SEC61A1: variants seen among roughly 807,000 people sequenced by gnomAD.
The protein encoded by SEC61A1 is protein transport protein Sec61 subunit alpha isoform 1.
In SEC61A1, 15 loss-of-function variants were observed where a neutral mutation model predicts 55.2. The ratio of observed to expected loss-of-function variants is 0.27; its 90% CI spans 0.18 to 0.42. The LOEUF is 0.42. Among genes scored for constraint, SEC61A1 ranks in the 10% least tolerant of loss-of-function variants. The probability of loss-of-function intolerance (pLI) is 1.00; values close to 1 mark genes in which losing one functional copy is unlikely to be tolerated. For synonymous variants in SEC61A1, 247 were observed against 234.0 expected (o/e 1.06, Z -0.51); for missense variants, 284 against 602.6 (o/e 0.47, Z 5.53).
rs149719226 is a variant in SEC61A1 at position 128,069,663 on chromosome 3, G to A, written c.*1G>A. The A allele has an allele frequency of 2.0e-4, 317 of 1,613,920 alleles. 1 individual carries two copies. In the African/African-American group the frequency reaches 4.0e-3, roughly 20 times the overall value. Reference sequence around the variant, plus strand: ...CAGCATGGGGGCCCTGCTCTTCTGAGCCCGTCTCCCGGACAGGTTGAGGAA... The same window carrying A: ...CAGCATGGGGGCCCTGCTCTTCTGAACCCGTCTCCCGGACAGGTTGAGGAA... On this transcript the variant is annotated 3_prime_UTR_variant, in exon 12 of 12. Transcript: ENST00000243253.
chr3:128,062,570 C>T (rs1455602096), intron 7 of SEC61A1, among the ~76,000 whole-genome samples: 4 of 152,098 alleles, frequency 2.6e-5, no homozygotes, highest in Non-Finnish European at 4.4e-5. Flanking sequence ...ACATGATGGC[C>T]AGTTAGGATA....
intron 2 of SEC61A1, among the ~76,000 whole-genome samples, chr3:128,054,028 T>C (rs1941732152): frequency 6.6e-6 from 1 of 152,186 alleles, no homozygotes; most frequent in Non-Finnish European, 1.5e-5. Flanking sequence ...GGGAGGTTAT[T>C]AGATGTAGTT....
intron 5 of SEC61A1, among the ~76,000 whole-genome samples, chr3:128,058,349 C>G (rs905842049): frequency 6.6e-6 from 1 of 151,826 alleles, no homozygotes; most frequent in Non-Finnish European, 1.5e-5. Flanking sequence ...GCTGGGACTA[C>G]AGGTGCCCGC....
intron 6 of SEC61A1, 118 bp from the exon 7 acceptor site, chr3:128,060,390 T>C: frequency 8.3e-7 from 1 of 1,209,118 alleles, no homozygotes; most frequent in Non-Finnish European, 1.2e-6. Context: ...TCTCTGGGGC[T>C]GAGGATGTGA....
chr3:128,061,001 A>C (rs1221971801), intron 7 of SEC61A1, among the ~76,000 whole-genome samples: 2 of 152,230 alleles, frequency 1.3e-5, no homozygotes, highest in East Asian at 3.8e-4. Flanking sequence ...TTAACATTGA[A>C]ACCATGACTG....
Position 128,064,922 on chromosome 3 carries a change from C to T in SEC61A1, c.662C>T (p.Ala221Val). Residue 221 changes from alanine to valine, a missense_variant, in exon 8 of 12, where the codon GCC becomes GTC. By Grantham distance (64) the Ala-to-Val change is moderately conservative (BLOSUM62 0). Transcript: ENST00000243253. ...GAIIALFHLLATRTDKVRALR... is the reference protein window; with the variant it reads ...GAIIALFHLLVTRTDKVRALR... ...ATCATCGCACTTTTCCATCTGCTGG[C>T]CACACGCACAGACAAGGTCCGAGCC... is the stretch of plus-strand genomic sequence containing the variant. 1 of 1,613,750 alleles carries T rather than the reference C, an allele frequency of 6.2e-7. No homozygotes were observed. Among genetic ancestry groups the T allele is most frequent in the Non-Finnish European group, 8.5e-7 (1 of 1,179,788 alleles).
At chr3:128,065,937 T>TA (rs1485356422) in intron 8 of SEC61A1, among the ~76,000 whole-genome samples, 1 of 151,704 alleles carries the variant, frequency 6.6e-6, no homozygotes, top group Admixed American at 6.6e-5. Flanking sequence ...ATAGACAGGG[T>TA]TTCACCGTGT....
chr3:128,070,560 C>G lies in SEC61A1; in HGVS notation c.*898C>G, dbSNP rs957705103. On this transcript the variant is annotated 3_prime_UTR_variant, in exon 12 of 12. Coordinates refer to ENST00000243253, the MANE Select transcript of SEC61A1 (RefSeq NM_013336.4). The stretch of plus-strand genomic sequence containing the variant: ...CAGAAACTGACTTAGTGCTCACAAG[C>G]CCCTACACCTTCTGGGCTGAAGATC... The G allele has an allele frequency of 3.9e-5, 6 of 152,232 alleles. No homozygotes were observed. The highest frequency in any genetic ancestry group is 7.2e-5 in the African/African-American group (3 of 41,436). 9.4% of individuals were successfully genotyped at this position (152,232 alleles called of 1,614,324 possible).
At position 128,055,770 on chromosome 3, in the gene SEC61A1, CTT is replaced by C. The variant is rs748560836; in HGVS notation, c.220+22_220+23del. 1 of 1,590,902 alleles carries C rather than the reference CTT, an allele frequency of 6.3e-7. No homozygotes were observed. Among genetic ancestry groups the C allele is most frequent in the Non-Finnish European group, 8.6e-7 (1 of 1,158,762 alleles). On this transcript the variant is annotated intron_variant, in intron 4 of 11. Transcript: ENST00000243253. Reference sequence around the variant, plus strand: ...AACAGAGGTAGGACTCTGGCTCTGTCTTTTCTCTGTAGAGTGTAGGCTTACCT... The same window carrying C: ...AACAGAGGTAGGACTCTGGCTCTGTCTTCTCTGTAGAGTGTAGGCTTACCT...
chr3:128,055,638 G>A (rs1180308089), intron 3 of SEC61A1, 35 bp from the exon 4 acceptor site: 2 of 1,606,886 alleles, frequency 1.2e-6, no homozygotes, highest in South Asian at 1.1e-5. Context: ...CTGGAAACAG[G>A]AGTGCTGACT....
rs1559799242 is a variant in SEC61A1, at chr3:128,067,885, T to C, written c.1168-98T>C. 1.1e-6 allele frequency: 1 copy of C among 938,550 alleles called. No individual in the cohort carries two copies. The allele number at this position is 938,550 out of a possible 1,614,324, so 58.1% of individuals were successfully genotyped here. On this transcript the variant is annotated intron_variant, in intron 10 of 11. Coordinates refer to ENST00000243253, the MANE Select transcript of SEC61A1 (RefSeq NM_013336.4). The surrounding 1 kb of genome is among the most constrained non-coding windows in gnomAD (Gnocchi z 4.1). Reference sequence around the variant, plus strand: ...AAGTTCTCTGTATGAATATTGTCAGTGCTCGAAGAGGCGATCTGTAACTGT... The same window carrying C: ...AAGTTCTCTGTATGAATATTGTCAGCGCTCGAAGAGGCGATCTGTAACTGT...
chr3:128,058,134 C>T lies in SEC61A1; in HGVS notation c.352+1294C>T, dbSNP rs190966450. Among the ~76,000 whole-genome samples, 14 of 151,444 alleles carry T rather than the reference C, an allele frequency of 9.2e-5. No homozygotes were observed. The East Asian group carries it at 2.3e-3, about 25-fold the overall frequency. On this transcript the variant is annotated intron_variant, in intron 5 of 11. Coordinates refer to ENST00000243253, the MANE Select transcript of SEC61A1 (RefSeq NM_013336.4). ...ACAGTCTCCTATCCAGTCATCTTTT[C>T]GCCTACACCAGCATGTTTTACAGGT...
Position 128,067,848 on chromosome 3 carries a change from G to C in SEC61A1, c.1168-135G>C. The C allele has an allele frequency of 1.3e-6, 1 of 768,040 alleles. No homozygotes were observed. The highest frequency in any genetic ancestry group is 2.5e-5 in the East Asian group (1 of 40,626). 47.6% of individuals were successfully genotyped at this position (768,040 alleles called of 1,614,324 possible). A position where few individuals can be genotyped will look rare whatever the true frequency, so the allele number is the denominator to read the frequency against. ...TTAGACTTTTTCATATGACTTCCTT[G>C]CGGCAGTTTTAAAGTTCTCTGTATG... On this transcript the variant is annotated intron_variant, in intron 10 of 11. Coordinates refer to ENST00000243253, the MANE Select transcript of SEC61A1 (RefSeq NM_013336.4). The surrounding 1 kb of genome is among the most constrained non-coding windows in gnomAD (Gnocchi z 4.1).
rs761398417 is a variant in SEC61A1, at chr3:128,060,674, T to G, written c.616+13T>G. On this transcript the variant is annotated intron_variant, in intron 7 of 11. Coordinates refer to ENST00000243253, the MANE Select transcript of SEC61A1 (RefSeq NM_013336.4). Reference sequence around the variant, plus strand: ...AACACTGGCCGAGGTAAGGGCCCTGTGCTCCCCTGGTGGCGACAGCTTTCA... The same window carrying G: ...AACACTGGCCGAGGTAAGGGCCCTGGGCTCCCCTGGTGGCGACAGCTTTCA... 1.1e-5 allele frequency: 17 copies of G among 1,612,214 alleles called. No homozygotes were observed. The highest frequency in any genetic ancestry group is 1.7e-4 in the Middle Eastern group (1 of 6,054).
rs114395631 is a variant in SEC61A1 at position 128,056,332 on chromosome 3, A to G, written c.221-377A>G. Among the ~76,000 whole-genome samples the G allele has an allele frequency of 3.4e-3, 520 of 152,338 alleles. 1 individual carries two copies. The highest frequency in any genetic ancestry group is 0.011 in the African/African-American group (473 of 41,584). ...AGAGGCTTATTCACAACTAGATACA[A>G]TTGTACAGGCTCCTTTTCCAGACTC... On this transcript the variant is annotated intron_variant, in intron 4 of 11. Transcript: ENST00000243253.
chr3:128,052,996 A>G, intron 2 of SEC61A1, 94 bp downstream of exon 2: 1 of 893,506 alleles, frequency 1.1e-6, no homozygotes, highest in African/African-American at 1.7e-5. Context: ...CAGCACGGCA[A>G]TGGAAACTCT....
At chr3:128,068,090 C>A in intron 11 of SEC61A1, 31 bp downstream of exon 11, 1 of 1,562,644 alleles carries the variant, frequency 6.4e-7, no homozygotes, top group Non-Finnish European at 8.8e-7. Flanking sequence ...CCCAACCTCC[C>A]GTCTGTGGAC....
upstream of SEC61A1, chr3:128,051,943 G>C (rs1211963154): frequency 2.0e-6 from 3 of 1,490,974 alleles, no homozygotes; most frequent in African/African-American, 2.8e-5. Flanking sequence ...CTACTCAGCA[G>C]GTAATGACGG....
In SEC61A1 at chr3:128,064,458, T is replaced by C. The variant is rs147786266; in HGVS notation, c.617-419T>C. Among the ~76,000 whole-genome samples, 24 of 143,620 alleles carry C rather than the reference T, an allele frequency of 1.7e-4. No homozygotes were observed. The East Asian group carries it at 4.1e-3, about 25-fold the overall frequency. The allele number at this position is 143,620 out of a possible 152,430, so 94.2% of individuals were successfully genotyped here. On this transcript the variant is annotated intron_variant, in intron 7 of 11. Transcript: ENST00000243253. ...GAGTTCGAGACCAGACTGGGTAACA[T>C]AGTGAGACCCCCAACTGTACAAAAA... is the stretch of plus-strand genomic sequence containing the variant.
Sources: allele counts gnomAD v4.1 joint callset (sites outside exome capture counted in the v4.1 genomes callset), GRCh38; gene constraint gnomAD v4.1.1; non-coding constraint Gnocchi (gnomAD v3.1); transcripts MANE v1.5; gene names NCBI Gene and HGNC (gene_info 2026-07-23, HGNC 2026-07-21).